Variants in GLMN observed in about 807,000 individuals in gnomAD.
GLMN encodes glomulin, FKBP associated protein.
A neutral mutation model predicts 87.8 loss-of-function variants in GLMN; 75 were observed. The observed-to-expected ratio is 0.85, with a 90% CI of 0.71 to 1.04. The LOEUF is 1.04. Ranked by LOEUF, GLMN falls within the 50% of genes least tolerant of loss-of-function variation. The probability of loss-of-function intolerance (pLI) is 0.00; values close to 1 mark genes in which losing one functional copy is unlikely to be tolerated. For missense variants in GLMN, 588 were observed against 658.8 expected (o/e 0.89, Z 1.18); for synonymous variants, 206 against 221.6 (o/e 0.93, Z 0.63).
Position 92,298,038 on chromosome 1 carries a change from A to G in GLMN, c.-30-9T>C. ...AGTTTCGATGCTAAAATCTACAAATACAAAACACACTGTTAACTATCCGTG... is the reference window on the plus strand; with the variant it reads ...AGTTTCGATGCTAAAATCTACAAATGCAAAACACACTGTTAACTATCCGTG... On this transcript the variant is annotated splice_polypyrimidine_tract_variant and intron_variant, in intron 1 of 18. Transcript: ENST00000370360. 1 of 1,160,682 alleles carries G rather than the reference A, an allele frequency of 8.6e-7. No individual in the cohort carries two copies. 71.9% of individuals were successfully genotyped at this position (1,160,682 alleles called of 1,614,324 possible).
At chr1:92,341,706 A>G in the GLMN span, among the ~76,000 whole-genome samples, 2 of 152,184 alleles carry the variant, frequency 1.3e-5, no homozygotes, top group African/African-American at 4.8e-5. Context: ...GTGCAGTGGC[A>G]TAATCTTGGC....
chr1:92,272,789 G>A (rs183519825), intron 7 of GLMN, among the ~76,000 whole-genome samples: 23 of 152,274 alleles, frequency 1.5e-4, no homozygotes, highest in African/African-American at 5.1e-4. Context: ...TTTCCGCTCA[G>A]GAAACAAGAT....
intron 7 of GLMN, among the ~76,000 whole-genome samples, chr1:92,283,426 A>G (rs1334231155): frequency 2.6e-5 from 4 of 152,212 alleles, no homozygotes; most frequent in African/African-American, 4.8e-5. Context: ...ACAGCCCTTC[A>G]TGCTAAAAAC....
upstream of GLMN, chr1:92,303,959 C>G: frequency 2.0e-6 from 3 of 1,519,542 alleles, no homozygotes; most frequent in Non-Finnish European, 2.7e-6. Flanking sequence ...AGGAAATAAC[C>G]CTCTCATTTC....
the GLMN span, among the ~76,000 whole-genome samples, chr1:92,346,295 C>T: frequency 6.6e-6 from 1 of 151,996 alleles, no homozygotes; most frequent in African/African-American, 2.4e-5. Flanking sequence ...TCTCTAGTGG[C>T]TGGGACTATA....
the GLMN span, among the ~76,000 whole-genome samples, chr1:92,350,758 C>T: frequency 6.6e-6 from 1 of 152,090 alleles, no homozygotes; most frequent in African/African-American, 2.4e-5. Flanking sequence ...GTGGTGAAAC[C>T]TCATCTCTAC....
chr1:92,274,292 C>A (rs947127598), intron 7 of GLMN, among the ~76,000 whole-genome samples: 1 of 152,168 alleles, frequency 6.6e-6, no homozygotes, highest in African/African-American at 2.4e-5. Flanking sequence ...GGGAGATGCT[C>A]ATTCTCACAC....
intron 7 of GLMN, among the ~76,000 whole-genome samples, chr1:92,285,474 G>C (rs994017488): frequency 6.6e-6 from 1 of 152,174 alleles, no homozygotes; most frequent in Non-Finnish European, 1.5e-5. Context: ...GGGCGTGGGG[G>C]GCTGGGGGAG....
chr1:92,254,829 G>A (rs3122321), intron 16 of GLMN, among the ~76,000 whole-genome samples: 72,472 of 151,950 alleles, frequency 0.48, 18,277 homozygotes, highest in East Asian at 0.96. Flanking sequence ...AAAGACCATC[G>A]ACACTATGAA....
upstream of GLMN, chr1:92,301,622 G>A (rs754064748): frequency 1.1e-6 from 1 of 925,124 alleles, no homozygotes. Flanking sequence ...TATTAGTTTT[G>A]TAGTATAACA....
In GLMN at chr1:92,291,485, A is replaced by C; in HGVS notation, c.218T>G (p.Leu73Arg). Residue 73 changes from leucine to arginine, a missense_variant, in exon 4 of 19, where the codon CTT (leucine) becomes CGT (arginine). Coordinates refer to ENST00000370360, the MANE Select transcript of GLMN (RefSeq NM_053274.3). ...WNLVGPVVRCLLCKDKEDSKR... is the reference protein window; with the variant it reads ...WNLVGPVVRCRLCKDKEDSKR... ...ACTATCCTCTTTATCTTTACACAAA[A>C]GGCATCGAACAACAGGACCAACGAG... 1 of 1,608,868 alleles carries C rather than the reference A, an allele frequency of 6.2e-7. No homozygotes were observed. Among genetic ancestry groups the C allele is most frequent in the Non-Finnish European group, 8.5e-7 (1 of 1,175,210 alleles).
At chr1:92,246,725 T>G (rs943042824) in intron 18 of GLMN, 79 bp from the exon 19 acceptor site, 31 of 797,300 alleles carry the variant, frequency 3.9e-5, no homozygotes, top group Non-Finnish European at 6.1e-5. Context: ...AGATTTCAGC[T>G]GGAGGTAGCT....
the GLMN span, among the ~76,000 whole-genome samples, chr1:92,336,034 G>A: frequency 3.3e-5 from 5 of 152,120 alleles, no homozygotes; most frequent in Admixed American, 6.5e-5. Context: ...GGGCAGTTGT[G>A]TTCTTTCCAT....
intron 7 of GLMN, among the ~76,000 whole-genome samples, chr1:92,274,537 T>C (rs563688473): frequency 2.6e-4 from 39 of 152,322 alleles, no homozygotes; most frequent in African/African-American, 9.1e-4. Context: ...CAATTCCTGC[T>C]ATGATCCTGG....
the GLMN span, among the ~76,000 whole-genome samples, chr1:92,353,166 T>G: frequency 6.6e-6 from 1 of 152,218 alleles, no homozygotes; most frequent in Admixed American, 6.5e-5. Context: ...TGTACAGATT[T>G]TTTTGTGTGA....
chr1:92,300,928 CAA>C (rs1650806088), upstream of GLMN, among the ~76,000 whole-genome samples: 1 of 152,002 alleles, frequency 6.6e-6, no homozygotes, highest in African/African-American at 2.4e-5. Context: ...TTAACATAAA[CAA>C]ATACATAATT....
intron 6 of GLMN, among the ~76,000 whole-genome samples, chr1:92,287,202 G>GA (rs745859794): frequency 3.3e-5 from 5 of 152,126 alleles, no homozygotes; most frequent in East Asian, 1.9e-4. Flanking sequence ...TTAGTTCAAA[G>GA]AAAAAATCAA....
At chr1:92,357,624 C>G in the GLMN span, among the ~76,000 whole-genome samples, 2 of 152,182 alleles carry the variant, frequency 1.3e-5, no homozygotes, top group Non-Finnish European at 1.5e-5. Flanking sequence ...CTCTGCTTCC[C>G]AGGTTCAAGT....
intron 7 of GLMN, among the ~76,000 whole-genome samples, chr1:92,279,538 G>C (rs1045830132): frequency 5.3e-5 from 8 of 150,998 alleles, no homozygotes; most frequent in Non-Finnish European, 1.0e-4. Flanking sequence ...CAGCGAGATC[G>C]ACGCAGAAGA....
Sources: gnomAD v4.1 joint callset for allele counts (sites outside exome capture counted in the v4.1 genomes callset) on GRCh38, gnomAD v4.1.1 for gene constraint, MANE v1.5 for transcripts, NCBI Gene and HGNC (gene_info 2026-07-23, HGNC 2026-07-21) for gene names.